Variants in ABCB9 observed in about 807,000 individuals in gnomAD.
ABCB9 encodes the protein ABC-type oligopeptide transporter ABCB9.
Under a neutral mutation model 62.0 loss-of-function variants are expected in ABCB9, and 36 were observed. The observed-to-expected ratio is 0.58, with a 90% CI of 0.45 to 0.77. The LOEUF (loss-of-function observed/expected upper bound fraction) is 0.77. ABCB9 is among the 30% of genes least tolerant of loss of function. The pLI, the probability that ABCB9 is intolerant of heterozygous loss-of-function variation, is 0.00. For missense variants in ABCB9, 943 were observed against 1,054.7 expected, an observed-to-expected ratio of 0.89 and a Z score of 1.47; for synonymous variants, 435 against 461.4, an observed-to-expected ratio of 0.94 and a Z score of 0.73.
At chr12:122,966,541 G>A (rs963943510), upstream of ABCB9, 2 of 151,818 alleles carry the variant, frequency 1.3e-5, no homozygotes, top group Non-Finnish European at 2.9e-5. Context: ...GCAGGGACCG[G>A]CGGAGCCTCC....
At chr12:122,922,707 G>C (rs2135730920) in intron 11 of ABCB9, among the ~76,000 whole-genome samples, 1 of 152,172 alleles carries the variant, frequency 6.6e-6, no homozygotes, top group East Asian at 1.9e-4. Context: ...AAAGAAGTAA[G>C]GTATTGCATA....
chr12:122,949,751 C>G, intron 4 of ABCB9, 37 bp downstream of exon 4: 4 of 1,611,540 alleles, frequency 2.5e-6, no homozygotes, highest in Non-Finnish European at 3.4e-6. Flanking sequence ...GGGTGGGGCC[C>G]AGCCCCCAGG....
exon 1 of ABCB9, chr12:122,974,943 T>C (rs954550689): frequency 3.9e-6 from 1 of 257,544 alleles, no homozygotes; most frequent in Non-Finnish European, 7.4e-6. Flanking sequence ...GTCAAAGGCC[T>C]TGGGGCTCCG....
rs1445554673 is a variant in ABCB9, at chr12:122,935,397, G to C, written c.1778C>G (p.Ala593Gly). 1.2e-6 allele frequency: 2 copies of C among 1,613,976 alleles called. No homozygotes were observed. The highest frequency in any genetic ancestry group is 3.3e-5 in the Admixed American group (2 of 59,998). The change falls in exon 10 of 12, where the codon GCC becomes GGC. Residue 593 changes from alanine to glycine, a missense_variant. By Grantham distance (60) the Ala-to-Gly change is moderately conservative (BLOSUM62 0). Transcript: ENST00000280560. ...GGAGATGTTATCCGTGATGGAGCGG[G>C]CGAACAGCACGGGCTCCTGGCTCAC... ...SLVSQEPVLF[A>G]RSITDNISYG... is the part of the protein sequence containing the mutation.
rs1269364338 is a variant in ABCB9, at chr12:122,947,159, C to A, written c.1054-937G>T. Among the ~76,000 whole-genome samples, 1 of 152,204 alleles carries A rather than the reference C, an allele frequency of 6.6e-6. No individual in the cohort carries two copies. The highest frequency in any genetic ancestry group is 2.4e-5 in the African/African-American group (1 of 41,438). On this transcript the variant is annotated intron_variant, in intron 5 of 11. Coordinates refer to ENST00000280560, the MANE Select transcript of ABCB9 (RefSeq NM_019625.4). The surrounding 1 kb of genome is among the most constrained non-coding windows in gnomAD (Gnocchi z 6.0). Reference sequence around the variant, plus strand: ...TAAAAGGCAGGGCCTGCAGTGCACACAGAGGTGGGGGCTGAGGGGGAGCTC... The same window carrying A: ...TAAAAGGCAGGGCCTGCAGTGCACAAAGAGGTGGGGGCTGAGGGGGAGCTC...
rs1330428222 is a variant in ABCB9, at chr12:122,950,461, C to A, written c.706G>T (p.Ala236Ser). ...STAVVIVCLL[A>S]IGSSFAAGIR... ...GGTTGAGCCAGCTACCTGCCAATGG[C>A]CAGCAGGCACACGATGACGACAGCC... The change falls in exon 3 of 12, where the codon GCC becomes TCC. Residue 236 changes from alanine (A) to serine (S), a missense_variant. Physicochemically the swap from Ala to Ser is moderately conservative, Grantham distance 99. Transcript: ENST00000280560. 6.2e-7 allele frequency: 1 copy of A among 1,611,110 alleles called. No individual in the cohort carries two copies. Among genetic ancestry groups the A allele is most frequent in the Non-Finnish European group, 8.5e-7 (1 of 1,179,594 alleles).
chr12:122,938,934 G>A (rs2035594012), intron 9 of ABCB9, among the ~76,000 whole-genome samples: 1 of 152,180 alleles, frequency 6.6e-6, no homozygotes, highest in African/African-American at 2.4e-5. Context: ...CACTTTGGGA[G>A]GCCAAGGCAG....
chr12:122,948,989 G>T, intron 4 of ABCB9, 160 bp from the exon 5 acceptor site: 1 of 570,700 alleles, frequency 1.8e-6, no homozygotes, highest in Non-Finnish European at 3.0e-6. Flanking sequence ...CCCCTCGAGG[G>T]CTACTCTGAG....
rs940470327 is a variant in ABCB9, at chr12:122,959,101, C to T, written c.601+534G>A. ...GCACCGTGGCTCACGCCTGTAATCC[C>T]AGCACTTTGGGAGGCCGAGGCCAGT... On this transcript the variant is annotated intron_variant, in intron 2 of 11. Transcript: ENST00000280560. The surrounding 1 kb of genome is among the most constrained non-coding windows in gnomAD (Gnocchi z 5.4). Among the ~76,000 whole-genome samples the T allele has an allele frequency of 2.7e-5, 4 of 150,678 alleles. No individual in the cohort carries two copies. In the South Asian group the frequency reaches 6.3e-4, roughly 24 times the overall value.
downstream of ABCB9, among the ~76,000 whole-genome samples, chr12:122,920,005 C>G (rs2034711505): frequency 6.6e-6 from 1 of 151,914 alleles, no homozygotes; most frequent in African/African-American, 2.4e-5. Context: ...CTCCCGGGTT[C>G]AAGTGATTCT....
chr12:122,950,625 C>T (rs2036316415), intron 2 of ABCB9, 60 bp from the exon 3 acceptor site: 2 of 1,382,196 alleles, frequency 1.4e-6, no homozygotes, highest in Non-Finnish European at 2.0e-6. Context: ...CACCCTTCCT[C>T]CTGAGGCTCC....
chr12:122,929,991 G>A lies in ABCB9; in HGVS notation c.2221C>T (p.Gln741Ter), dbSNP rs1471298393. The change falls in exon 12 of 12, where the codon CAG becomes TAG. Residue 741 changes from glutamine (Q) to a stop codon, truncating the protein, a stop_gained. Coordinates refer to ENST00000280560, the MANE Select transcript of ABCB9 (RefSeq NM_019625.4). LOFTEE classifies it low-confidence loss of function (END_TRUNC). The surrounding 1 kb of genome is among the most constrained non-coding windows in gnomAD (Gnocchi z 6.0). ...GCGGCGGGCTGAAGCCCCAGCATCT[G>A]CCGCTGCACCAGCTTGGCGTAGAGG... Reference protein sequence around the residue: ...GGLYAKLVQRQMLGLQPAADF... With the variant: ...GGLYAKLVQR 6.3e-7 allele frequency: 1 copy of A among 1,577,666 alleles called. No individual in the cohort carries two copies. Among genetic ancestry groups the A allele is most frequent in the Non-Finnish European group, 8.6e-7 (1 of 1,164,506 alleles).
At chr12:122,931,105 A>C (rs568807094) in intron 11 of ABCB9, among the ~76,000 whole-genome samples, 1 of 151,952 alleles carries the variant, frequency 6.6e-6, no homozygotes, top group African/African-American at 2.4e-5. Context: ...GCTCATTGCA[A>C]CCTCTGCTTC....
chr12:122,937,307 C>T lies in ABCB9; in HGVS notation c.1744-1876G>A, dbSNP rs528340189. Among the ~76,000 whole-genome samples the T allele has an allele frequency of 6.0e-5, 9 of 150,716 alleles. No individual in the cohort carries two copies. The South Asian group carries it at 8.4e-4, about 14-fold the overall frequency. On this transcript the variant is annotated intron_variant, in intron 9 of 11. Coordinates refer to ENST00000280560, the MANE Select transcript of ABCB9 (RefSeq NM_019625.4). ...CCAGGAGGAAGAAGTTGCAGTGAGC[C>T]GAGATCATGCCACAGCACTCTAGCC... is the stretch of plus-strand genomic sequence containing the variant.
At position 122,940,751 on chromosome 12, in the gene ABCB9, C is replaced by T. The variant is rs1318509030; in HGVS notation, c.1569+56G>A. On this transcript the variant is annotated intron_variant, in intron 8 of 11. Coordinates refer to ENST00000280560, the MANE Select transcript of ABCB9 (RefSeq NM_019625.4). This position sits in a 1 kb window ranked among gnomAD's most constrained non-coding sequence, Gnocchi z 4.8. ...CACAGCCTGGTGTATAGGAGGTGCACCAGAAATGGGGTGACGGAAAGGCTG... is the reference window on the plus strand; with the variant it reads ...CACAGCCTGGTGTATAGGAGGTGCATCAGAAATGGGGTGACGGAAAGGCTG... 2 of 1,496,782 alleles carry T rather than the reference C, an allele frequency of 1.3e-6. No homozygotes were observed. Among genetic ancestry groups the T allele is most frequent in the East Asian group, 4.7e-5 (2 of 42,426 alleles). The allele number at this position is 1,496,782 out of a possible 1,614,324, so 92.7% of individuals were successfully genotyped here.
Position 122,940,993 on chromosome 12 carries a change from G to C in ABCB9, c.1383C>G (p.Ser461=), listed in dbSNP as rs557863085. Residue 461 remains serine (S), a splice_region_variant and synonymous_variant, in exon 8 of 12, where the codon TCC becomes TCG. Transcript: ENST00000280560. This position sits in a 1 kb window ranked among gnomAD's most constrained non-coding sequence, Gnocchi z 4.8. Reference sequence around the variant, plus strand: ...TCAGGCCACTGTAGACGGAGCCCACGGACTGGGGAGAGGAGACACGCGTTC... The same window carrying C: ...TCAGGCCACTGTAGACGGAGCCCACCGACTGGGGAGAGGAGACACGCGTTC... ...YEFVLGDCME[S]VGSVYSGLMQ... is the part of the protein sequence containing the mutation. 8.1e-6 allele frequency: 13 copies of C among 1,596,600 alleles called. No individual in the cohort carries two copies. In the East Asian group the frequency reaches 2.3e-4, roughly 28 times the overall value.
At chr12:122,919,389 C>T, downstream of ABCB9, among the ~76,000 whole-genome samples, 1 of 152,060 alleles carries the variant, frequency 6.6e-6, no homozygotes, top group Non-Finnish European at 1.5e-5. Context: ...CCAGGCTGTT[C>T]TCAAACTCCT....
Position 122,944,094 on chromosome 12 carries a change from A to G in ABCB9, c.1380+297T>C, listed in dbSNP as rs1431947562. Among the ~76,000 whole-genome samples the G allele has an allele frequency of 1.3e-5, 2 of 152,030 alleles. No homozygotes were observed. Among genetic ancestry groups the G allele is most frequent in the African/African-American group, 4.8e-5 (2 of 41,398 alleles). ...CAGGTACCCACCAACACGCTTGGCT[A>G]ATTTTTGTGTTTTCAGTAGAGATGG... On this transcript the variant is annotated intron_variant, in intron 7 of 11. Coordinates refer to ENST00000280560, the MANE Select transcript of ABCB9 (RefSeq NM_019625.4). The surrounding 1 kb of genome is among the most constrained non-coding windows in gnomAD (Gnocchi z 4.9).
downstream of ABCB9, among the ~76,000 whole-genome samples, chr12:122,928,244 C>T (rs2034963741): frequency 6.6e-6 from 1 of 152,060 alleles, no homozygotes; most frequent in South Asian, 2.1e-4. Context: ...CCAAGGTGGG[C>T]AGGCCATCTG....
Sources: allele counts gnomAD v4.1 joint callset (sites outside exome capture counted in the v4.1 genomes callset), GRCh38; gene constraint gnomAD v4.1.1; non-coding constraint Gnocchi (gnomAD v3.1); transcripts MANE v1.5; gene names NCBI Gene and HGNC (gene_info 2026-07-23, HGNC 2026-07-21).